Variants in NUMB observed in about 807,000 individuals in gnomAD.
NUMB encodes the protein NUMB endocytic adaptor protein, also known as protein numb homolog.
A neutral mutation model predicts 59.7 loss-of-function variants in NUMB; 29 were observed. That is an observed-to-expected ratio of 0.49 (90% confidence interval 0.36 to 0.66). The LOEUF (loss-of-function observed/expected upper bound fraction) is 0.66, where lower values mean the gene tolerates loss of function less well. Among genes scored for constraint, NUMB ranks in the 30% least tolerant of loss-of-function variants. NUMB has a pLI of 0.00. For synonymous variants in NUMB, 288 were observed against 288.2 expected (o/e 1.00, Z 0.01); for missense variants, 723 against 822.0 (o/e 0.88, Z 1.47).
At chr14:73,326,018 G>A (rs1256732721) in intron 4 of NUMB, among the ~76,000 whole-genome samples, 1 of 152,114 alleles carries the variant, frequency 6.6e-6, no homozygotes, top group African/African-American at 2.4e-5. Context: ...GGGACTTCAT[G>A]GTAGTGCAGG....
At chr14:73,364,800 T>TTTTA (rs1179209286) in intron 3 of NUMB, among the ~76,000 whole-genome samples, 1 of 152,036 alleles carries the variant, frequency 6.6e-6, no homozygotes, top group Non-Finnish European at 1.5e-5. Context: ...CCTGCCTAGT[T>TTTTA]TTTATTTATT....
chr14:73,319,104 T>C (rs1407408988), intron 5 of NUMB, among the ~76,000 whole-genome samples: 3 of 151,968 alleles, frequency 2.0e-5, no homozygotes, highest in Non-Finnish European at 4.4e-5. Context: ...TGAAACCCCG[T>C]CTCATACAAT....
chr14:73,299,354 C>T (rs1417082414), intron 6 of NUMB: 5 of 151,908 alleles, frequency 3.3e-5, no homozygotes. Flanking sequence ...GGAGATTAGC[C>T]TTGGTAGTAT....
At chr14:73,436,034 T>C (rs751142471) in intron 1 of NUMB, among the ~76,000 whole-genome samples, 2 of 150,702 alleles carry the variant, frequency 1.3e-5, no homozygotes, top group African/African-American at 2.4e-5. Flanking sequence ...ATGACACAAA[T>C]ATCAATAGAA....
chr14:73,418,732 C>T (rs142135117), intron 1 of NUMB, among the ~76,000 whole-genome samples: 8,796 of 151,852 alleles, frequency 0.058, 696 homozygotes, highest in African/African-American at 0.19. Flanking sequence ...AACTGCGCCA[C>T]TGCACTCCAG....
At chr14:73,405,922 A>G (rs1896642257) in intron 2 of NUMB, among the ~76,000 whole-genome samples, 1 of 152,124 alleles carries the variant, frequency 6.6e-6, no homozygotes, top group Non-Finnish European at 1.5e-5. Context: ...TAACTGAGAT[A>G]ATGAGTAGAC....
At chr14:73,410,831 A>G (rs1896862202) in intron 1 of NUMB, among the ~76,000 whole-genome samples, 1 of 152,200 alleles carries the variant, frequency 6.6e-6, no homozygotes, top group Non-Finnish European at 1.5e-5. Flanking sequence ...TATTCAACTA[A>G]TATTTATTAG....
intron 2 of NUMB, among the ~76,000 whole-genome samples, chr14:73,373,652 A>T (rs917409399): frequency 1.3e-5 from 2 of 151,946 alleles, no homozygotes; most frequent in Non-Finnish European, 1.5e-5. Flanking sequence ...GAAGAAACAT[A>T]ATTTGCAGTA....
intron 7 of NUMB, among the ~76,000 whole-genome samples, chr14:73,294,227 T>C (rs1205899930): frequency 6.6e-6 from 1 of 152,208 alleles, no homozygotes; most frequent in Non-Finnish European, 1.5e-5. Flanking sequence ...GTTCTTTTTT[T>C]GAGACTGTCT....
At chr14:73,381,207 G>C (rs1045953490) in intron 2 of NUMB, among the ~76,000 whole-genome samples, 2 of 151,724 alleles carry the variant, frequency 1.3e-5, no homozygotes, top group Non-Finnish European at 2.9e-5. Flanking sequence ...AATCAACCTC[G>C]GTACCTAATT....
At chr14:73,388,872 C>T (rs1002856733) in intron 2 of NUMB, among the ~76,000 whole-genome samples, 1 of 152,010 alleles carries the variant, frequency 6.6e-6, no homozygotes, top group Admixed American at 6.5e-5. Flanking sequence ...CCGAGGTGGG[C>T]GGATCACGAG....
At chr14:73,336,187 T>C (rs1461818220) in intron 4 of NUMB, among the ~76,000 whole-genome samples, 1 of 152,236 alleles carries the variant, frequency 6.6e-6, no homozygotes, top group Non-Finnish European at 1.5e-5. Context: ...TTCTTTCAAC[T>C]ACCTCATACA....
intron 2 of NUMB, among the ~76,000 whole-genome samples, chr14:73,373,010 A>G (rs1353848245): frequency 6.6e-6 from 1 of 152,136 alleles, no homozygotes; most frequent in Non-Finnish European, 1.5e-5. Flanking sequence ...TTTTTCATAA[A>G]ACATTAGCAT....
At chr14:73,357,410 A>AAAAAG (rs1176413767) in intron 3 of NUMB, among the ~76,000 whole-genome samples, 12 of 150,910 alleles carry the variant, frequency 8.0e-5, no homozygotes, top group Admixed American at 5.3e-4. Context: ...CAAAAAAAAA[A>AAAAAG]AAAGAAAGAA....
intron 7 of NUMB, 133 bp from the exon 8 acceptor site, chr14:73,293,007 G>T: frequency 2.2e-6 from 2 of 892,158 alleles, no homozygotes; most frequent in Non-Finnish European, 3.4e-6. Context: ...CTAGATCTGT[G>T]TCCAGCAGTT....
chr14:73,279,275 C>T lies in NUMB; in HGVS notation c.1240+6G>A. The stretch of plus-strand genomic sequence containing the variant: ...GAATCCTCAACACCATCTGTGGCCA[C>T]CTTACCCGAACATGTGGCTGCAATT... On this transcript the variant is annotated splice_donor_region_variant and intron_variant, in intron 12 of 12. Coordinates refer to ENST00000555238, the MANE Select transcript of NUMB (RefSeq NM_001005743.2). 6.2e-7 allele frequency: 1 copy of T among 1,614,170 alleles called. No individual in the cohort carries two copies. Among genetic ancestry groups the T allele is most frequent in the Non-Finnish European group, 8.5e-7 (1 of 1,180,002 alleles).
At chr14:73,428,902 G>A (rs1013184374) in intron 1 of NUMB, among the ~76,000 whole-genome samples, 1 of 152,034 alleles carries the variant, frequency 6.6e-6, no homozygotes, top group African/African-American at 2.4e-5. Context: ...AACTTTAATT[G>A]GAGAGGTGTA....
intron 4 of NUMB, among the ~76,000 whole-genome samples, chr14:73,330,526 C>T (rs1417632609): frequency 6.6e-6 from 1 of 152,164 alleles, no homozygotes; most frequent in Non-Finnish European, 1.5e-5. Context: ...GGGCAAATTA[C>T]ACGACTTGTC....
At chr14:73,358,312 C>G (rs1893920215) in intron 3 of NUMB, among the ~76,000 whole-genome samples, 1 of 152,210 alleles carries the variant, frequency 6.6e-6, no homozygotes, top group African/African-American at 2.4e-5. Context: ...TGTATCCACT[C>G]TGTTGAAAAC....
Sources: gnomAD v4.1 joint callset for allele counts (sites outside exome capture counted in the v4.1 genomes callset) on GRCh38, gnomAD v4.1.1 for gene constraint, MANE v1.5 for transcripts, NCBI Gene and HGNC (gene_info 2026-07-23, HGNC 2026-07-21) for gene names.